Variants in XPO6 observed in about 807,000 individuals in gnomAD.
The protein encoded by XPO6 is exportin 6.
A neutral mutation model predicts 130.0 loss-of-function variants in XPO6; 3 were observed. The observed-to-expected ratio is 0.02, with a 90% CI of 0.01 to 0.06. The LOEUF is 0.06. XPO6 is among the 10% of genes least tolerant of loss of function. XPO6 has a pLI of 1.00. For synonymous variants in XPO6, 524 were observed against 548.9 expected (o/e 0.95, Z 0.63); for missense variants, 970 against 1,393.0 (o/e 0.70, Z 4.83).
At chr16:28,122,062 C>T (rs895589764) in intron 13 of XPO6, among the ~76,000 whole-genome samples, 1 of 152,034 alleles carries the variant, frequency 6.6e-6, no homozygotes, top group African/African-American at 2.4e-5. Context: ...TGCTTAGAGG[C>T]ATATTTAATG....
At position 28,116,379 on chromosome 16, in the gene XPO6, G is replaced by A. The variant is rs555606015; in HGVS notation, c.2004+939C>T. Among the ~76,000 whole-genome samples, 34 of 151,820 alleles carry A rather than the reference G, an allele frequency of 2.2e-4. 1 individual carries two copies. In the South Asian group the frequency reaches 6.9e-3, roughly 31 times the overall value. On this transcript the variant is annotated intron_variant, in intron 15 of 23. Coordinates refer to ENST00000304658, the MANE Select transcript of XPO6 (RefSeq NM_015171.4). ...CAAGAGGCTGAGGCAGGAGAATGGC[G>A]TGAACCCGGGAGACGGAGCTTGCAG...
At chr16:28,197,954 C>A (rs1459534618) in intron 1 of XPO6, among the ~76,000 whole-genome samples, 5 of 69,362 alleles carry the variant, frequency 7.2e-5, no homozygotes, top group African/African-American at 9.1e-5. Flanking sequence ...CAGACTACAT[C>A]TAAGTTTATT....
chr16:28,177,339 A>C lies in XPO6; in HGVS notation c.95-7T>G. 6.3e-7 allele frequency: 1 copy of C among 1,580,140 alleles called. No individual in the cohort carries two copies. Among genetic ancestry groups the C allele is most frequent in the Non-Finnish European group, 8.7e-7 (1 of 1,154,080 alleles). Reference sequence around the variant, plus strand: ...AAGTTATTAAGAAGCTCCTCTGGAAAAGTTAAATGGCAACAAAAGAAAGCT... The same window carrying C: ...AAGTTATTAAGAAGCTCCTCTGGAACAGTTAAATGGCAACAAAAGAAAGCT... On this transcript the variant is annotated splice_region_variant and splice_polypyrimidine_tract_variant and intron_variant, in intron 2 of 23. Transcript: ENST00000304658.
intron 1 of XPO6, among the ~76,000 whole-genome samples, chr16:28,191,106 A>G (rs554000526): frequency 6.6e-6 from 1 of 152,222 alleles, no homozygotes; most frequent in Non-Finnish European, 1.5e-5. Context: ...AGAGAAATGG[A>G]GAAAAGGATA....
intron 8 of XPO6, among the ~76,000 whole-genome samples, chr16:28,149,730 T>C (rs2043052939): frequency 6.6e-6 from 1 of 152,224 alleles, no homozygotes; most frequent in East Asian, 1.9e-4. Flanking sequence ...CACACAACGA[T>C]GACATCACCT....
In XPO6 at chr16:28,200,254, T is replaced by A. The variant is rs183417274; in HGVS notation, c.3+11112A>T. ...TTTCCTTCCAGCTCCATTTGGCTTA[T>A]AAAATACCCTTAACTTTTCAGGGAG... is the stretch of plus-strand genomic sequence containing the variant. On this transcript the variant is annotated intron_variant, in intron 1 of 23. Transcript: ENST00000304658. Among the ~76,000 whole-genome samples, 97 of 152,222 alleles carry A rather than the reference T, an allele frequency of 6.4e-4. No individual in the cohort carries two copies. The East Asian group carries it at 8.1e-3, about 13-fold the overall frequency.
chr16:28,125,601 G>A, intron 13 of XPO6, 88 bp downstream of exon 13: 1 of 1,493,274 alleles, frequency 6.7e-7, no homozygotes, highest in Non-Finnish European at 9.0e-7. Flanking sequence ...CAGAGCAGAA[G>A]CTATTTGGCA....
In XPO6 at chr16:28,098,439, G is replaced by A. The variant is rs28574753; in HGVS notation, c.*99C>T. 5.0e-3 allele frequency: 5,212 copies of A among 1,050,768 alleles called. 74 individuals are homozygous for A. The highest frequency in any genetic ancestry group is 0.047 in the African/African-American group (2,961 of 63,574). 65.1% of individuals were successfully genotyped at this position (1,050,768 alleles called of 1,614,324 possible). ...CGTTGCTTGCGGTGGGAGAAGCCAA[G>A]GAGTGTGACCAAGGCCCATCTGGGA... On this transcript the variant is annotated 3_prime_UTR_variant, in exon 24 of 24. Transcript: ENST00000304658.
chr16:28,190,154 T>C (rs1490078976), intron 1 of XPO6, among the ~76,000 whole-genome samples: 2 of 152,126 alleles, frequency 1.3e-5, no homozygotes, highest in African/African-American at 4.8e-5. Context: ...CCACATAGTA[T>C]TGGAGAATGC....
At chr16:28,142,549 G>A (rs1480216499) in intron 9 of XPO6, among the ~76,000 whole-genome samples, 1 of 152,116 alleles carries the variant, frequency 6.6e-6, no homozygotes, top group Non-Finnish European at 1.5e-5. Context: ...AGAGGAGCTT[G>A]GAGGGGTTTT....
chr16:28,198,868 G>C (rs1223513354), intron 1 of XPO6, among the ~76,000 whole-genome samples: 1 of 152,072 alleles, frequency 6.6e-6, no homozygotes, highest in Non-Finnish European at 1.5e-5. Flanking sequence ...ATCTGGCCAG[G>C]CGCAGTGGCT....
intron 14 of XPO6, among the ~76,000 whole-genome samples, chr16:28,118,284 C>A (rs1272354169): frequency 6.6e-6 from 1 of 152,170 alleles, no homozygotes; most frequent in Non-Finnish European, 1.5e-5. Context: ...CTTTTCTCCT[C>A]ATTAGTTGGC....
chr16:28,195,768 A>G (rs2043850055), intron 1 of XPO6, among the ~76,000 whole-genome samples: 1 of 152,188 alleles, frequency 6.6e-6, no homozygotes, highest in Non-Finnish European at 1.5e-5. Flanking sequence ...AAAAAGAAAG[A>G]GAGAAAATGT....
intron 20 of XPO6, among the ~76,000 whole-genome samples, chr16:28,104,982 T>C (rs370124829): frequency 5.9e-5 from 9 of 152,386 alleles, no homozygotes; most frequent in African/African-American, 2.2e-4. Context: ...CACGGGTCAG[T>C]GCCAAGGGCC....
At position 28,167,087 on chromosome 16, in the gene XPO6, C is replaced by T. The variant is rs74014231; in HGVS notation, c.566-502G>A. On this transcript the variant is annotated intron_variant, in intron 5 of 23. Coordinates refer to ENST00000304658, the MANE Select transcript of XPO6 (RefSeq NM_015171.4). ...TGCTTCTCCTCTCATTTCACTCTCACTGCTAGAGTGACTCATCCACTGCTA... is the reference window on the plus strand; with the variant it reads ...TGCTTCTCCTCTCATTTCACTCTCATTGCTAGAGTGACTCATCCACTGCTA... 0.015 allele frequency: 14,166 copies of T among 962,096 alleles called. 980 individuals are homozygous for T. The East Asian group carries it at 0.17, about 12-fold the overall frequency. 59.6% of individuals were successfully genotyped at this position (962,096 alleles called of 1,614,324 possible). A position where few individuals can be genotyped will look rare whatever the true frequency, so the allele number is the denominator to read the frequency against.
At chr16:28,208,062 T>C (rs2044062243) in intron 1 of XPO6, among the ~76,000 whole-genome samples, 2 of 151,970 alleles carry the variant, frequency 1.3e-5, no homozygotes, top group Admixed American at 1.3e-4. Context: ...TGGAGAATCA[T>C]TTGAATCCAG....
intron 1 of XPO6, among the ~76,000 whole-genome samples, chr16:28,200,254 T>C (rs183417274): frequency 6.6e-6 from 1 of 152,110 alleles, no homozygotes; most frequent in Non-Finnish European, 1.5e-5. Context: ...ATTTGGCTTA[T>C]AAAATACCCT....
intron 21 of XPO6, among the ~76,000 whole-genome samples, chr16:28,103,856 T>C (rs2086710293): frequency 6.6e-6 from 1 of 151,642 alleles, no homozygotes; most frequent in Admixed American, 6.6e-5. Context: ...GGAGGGAGGG[T>C]GGAAATCCCT....
At chr16:28,184,592 A>T (rs1245795402) in intron 1 of XPO6, among the ~76,000 whole-genome samples, 1 of 151,692 alleles carries the variant, frequency 6.6e-6, no homozygotes, top group Non-Finnish European at 1.5e-5. Context: ...TAACTTCAAC[A>T]AATCAGTAAA....
Sources: allele counts gnomAD v4.1 joint callset (sites outside exome capture counted in the v4.1 genomes callset), GRCh38; gene constraint gnomAD v4.1.1; transcripts MANE v1.5; gene names NCBI Gene and HGNC (gene_info 2026-07-23, HGNC 2026-07-21).